The following CDON variants were observed in gnomAD, a reference collection of about 807,000 sequenced individuals.
CDON encodes cell adhesion molecule-related/down-regulated by oncogenes.
A neutral mutation model predicts 120.9 loss-of-function variants in CDON; 73 were observed. The ratio of observed to expected loss-of-function variants is 0.60; its 90% CI spans 0.50 to 0.73. The LOEUF is 0.73. CDON is among the 30% of genes least tolerant of loss of function. The probability of loss-of-function intolerance (pLI) is 0.00; values close to 1 mark genes in which losing one functional copy is unlikely to be tolerated. For missense variants in CDON, 1,470 were observed against 1,587.3 expected, an observed-to-expected ratio of 0.93 and a Z score of 1.26; for synonymous variants, 566 against 573.5, an observed-to-expected ratio of 0.99 and a Z score of 0.19.
intron 18 of CDON, among the ~76,000 whole-genome samples, chr11:125,963,069 A>C (rs953255938): frequency 4.6e-5 from 7 of 151,952 alleles, no homozygotes; most frequent in African/African-American, 1.7e-4. Context: ...CATCACACTC[A>C]GTTCTCTGAT....
At chr11:125,967,879 T>C (rs1400155220) in intron 18 of CDON, among the ~76,000 whole-genome samples, 1 of 152,146 alleles carries the variant, frequency 6.6e-6, no homozygotes, top group Admixed American at 6.5e-5. Flanking sequence ...CTACCATTCC[T>C]GAAAAATTTT....
intron 1 of CDON, among the ~76,000 whole-genome samples, chr11:126,047,078 A>C (rs1948423682): frequency 6.6e-6 from 1 of 152,222 alleles, no homozygotes; most frequent in African/African-American, 2.4e-5. Flanking sequence ...CAGTAAAGTT[A>C]GCAAAGAATT....
chr11:125,996,143 C>G (rs1258262294), intron 12 of CDON, among the ~76,000 whole-genome samples: 1 of 146,486 alleles, frequency 6.8e-6, no homozygotes, highest in Non-Finnish European at 1.5e-5. Flanking sequence ...CAATTTTCCT[C>G]TTATTCAGTC....
intron 18 of CDON, among the ~76,000 whole-genome samples, chr11:125,971,581 T>C (rs1050938422): frequency 4.6e-5 from 7 of 152,190 alleles, no homozygotes; most frequent in Non-Finnish European, 8.8e-5. Context: ...ATCTCTGTTC[T>C]CTAAAGCACC....
intron 11 of CDON, 142 bp from the exon 12 acceptor site, chr11:125,997,552 C>A: frequency 1.4e-6 from 1 of 699,790 alleles, no homozygotes; most frequent in African/African-American, 1.8e-5. Flanking sequence ...ACATTTACAG[C>A]AGTCTTCCTG....
intron 2 of CDON, 115 bp downstream of exon 2, chr11:126,023,286 C>T: frequency 2.4e-6 from 2 of 820,256 alleles, no homozygotes; most frequent in South Asian, 2.7e-5. Context: ...TCAAACCAAT[C>T]TTAGAAACAT....
chr11:125,982,852 T>C (rs931918513), intron 16 of CDON, among the ~76,000 whole-genome samples: 1 of 152,060 alleles, frequency 6.6e-6, no homozygotes, highest in Non-Finnish European at 1.5e-5. Flanking sequence ...TCACCATCCC[T>C]TTCAGATTAA....
chr11:125,961,801 G>A lies in CDON; in HGVS notation c.3554C>T (p.Thr1185Ile). The change falls in exon 19 of 20, where the codon ACT (threonine) becomes ATT (isoleucine). Residue 1185 changes from threonine (T) to isoleucine (I), a missense_variant. Thr to Ile is a moderately conservative substitution (Grantham distance 89, BLOSUM62 -1). Coordinates refer to ENST00000531738, the MANE Select transcript of CDON (RefSeq NM_001378964.1). ...SVKDNVEPVP[T>I]QRTCCQDIVN... ...AATGTCCTGACAGCAGGTACGCTGAGTAGGGACTGGTTCCACATTGTCCTT... is the reference window on the plus strand; with the variant it reads ...AATGTCCTGACAGCAGGTACGCTGAATAGGGACTGGTTCCACATTGTCCTT... The A allele has an allele frequency of 6.2e-7, 1 of 1,614,204 alleles. No homozygotes were observed. Among genetic ancestry groups the A allele is most frequent in the South Asian group, 1.1e-5 (1 of 91,086 alleles).
intron 1 of CDON, among the ~76,000 whole-genome samples, chr11:126,058,640 C>T (rs771973606): frequency 2.9e-4 from 44 of 152,228 alleles, no homozygotes; most frequent in Admixed American, 5.2e-4. Flanking sequence ...CTACTGCATT[C>T]TGCATTAGCT....
chr11:125,993,391 G>A (rs1038394962), intron 14 of CDON, among the ~76,000 whole-genome samples: 13 of 65,748 alleles, frequency 2.0e-4, no homozygotes, highest in Admixed American at 6.2e-4. Context: ...ATGCGCGCGT[G>A]CGTGCACACA....
At chr11:125,991,522 T>C (rs1946629929) in intron 14 of CDON, among the ~76,000 whole-genome samples, 1 of 152,210 alleles carries the variant, frequency 6.6e-6, no homozygotes, top group South Asian at 2.1e-4. Flanking sequence ...TTATAGTTTA[T>C]CTAAATGTGG....
intron 15 of CDON, among the ~76,000 whole-genome samples, chr11:125,987,566 T>C (rs1321190089): frequency 2.6e-5 from 4 of 152,240 alleles, no homozygotes; most frequent in African/African-American, 9.6e-5. Flanking sequence ...TGTTTTCCAC[T>C]GACCTGAAAG....
chr11:125,997,222 G>A lies in CDON; in HGVS notation c.2347C>T (p.Arg783Cys), dbSNP rs756707042. The change falls in exon 12 of 20, where the codon CGT (arginine) becomes TGT (cysteine). Residue 783 changes from arginine (R) to cysteine (C), a missense_variant. Transcript: ENST00000531738. ...IPPSKLSVEV[R>C]SLEPGSTYKF... ...ATATTACTACCTGGTTCTAAACTAC[G>A]AACTTCCACTGAAAGTTTGGAAGGA... 2.8e-5 allele frequency: 45 copies of A among 1,611,960 alleles called. No individual in the cohort carries two copies. The highest frequency in any genetic ancestry group is 3.5e-5 in the Non-Finnish European group (41 of 1,178,156).
Position 125,961,871 on chromosome 11 carries a change from T to G in CDON, c.3484A>C (p.Thr1162Pro). The change falls in exon 19 of 20, where the codon ACT becomes CCT. Residue 1162 changes from threonine to proline, a missense_variant. Thr to Pro is a conservative substitution (Grantham distance 38). Coordinates refer to ENST00000531738, the MANE Select transcript of CDON (RefSeq NM_001378964.1). ...LSHVKVPVCL[T>P]SAVPDCGQLP... Reference sequence around the variant, plus strand: ...TGGCCACAATCAGGGACTGCGGAAGTCAGGCATACAGGCACCTTCACGTGA... The same window carrying G: ...TGGCCACAATCAGGGACTGCGGAAGGCAGGCATACAGGCACCTTCACGTGA... 1 of 1,614,186 alleles carries G rather than the reference T, an allele frequency of 6.2e-7. No individual in the cohort carries two copies. The highest frequency in any genetic ancestry group is 8.5e-7 in the Non-Finnish European group (1 of 1,180,034).
intron 1 of CDON, among the ~76,000 whole-genome samples, chr11:126,033,557 TCAAA>T (rs1948008486): frequency 6.6e-6 from 1 of 151,072 alleles, no homozygotes; most frequent in South Asian, 2.1e-4. Context: ...AGGGATGGAG[TCAAA>T]CAGTCAGACT....
In CDON at chr11:126,010,284, A is replaced by G. The variant is rs990323061; in HGVS notation, c.1552+57T>C. The stretch of plus-strand genomic sequence containing the variant: ...AAAATAACATATTTCAAATCACTTT[A>G]TCTTCTATTATAAAAGGAAATTACT... On this transcript the variant is annotated intron_variant, in intron 8 of 19. Transcript: ENST00000531738. The G allele has an allele frequency of 7.7e-6, 9 of 1,162,178 alleles. No homozygotes were observed. The East Asian group carries it at 2.3e-4, about 30-fold the overall frequency. 72.0% of individuals were successfully genotyped at this position (1,162,178 alleles called of 1,614,324 possible). A position where few individuals can be genotyped will look rare whatever the true frequency, so the allele number is the denominator to read the frequency against.
chr11:125,970,732 G>C (rs1389758825), intron 18 of CDON, among the ~76,000 whole-genome samples: 1 of 152,120 alleles, frequency 6.6e-6, no homozygotes, highest in Non-Finnish European at 1.5e-5. Flanking sequence ...AGTAAATGTT[G>C]AGTGACAACA....
At chr11:126,008,760 A>T (rs1947203298) in intron 8 of CDON, among the ~76,000 whole-genome samples, 1 of 152,214 alleles carries the variant, frequency 6.6e-6, no homozygotes, top group Admixed American at 6.5e-5. Context: ...AGAAATATAA[A>T]CACACACGCA....
intron 8 of CDON, among the ~76,000 whole-genome samples, chr11:126,009,580 C>T (rs1490420554): frequency 2.0e-5 from 3 of 152,322 alleles, no homozygotes; most frequent in East Asian, 3.9e-4. Context: ...AAGAGAGCCA[C>T]GCTAAGCCCC....
Sources: allele counts gnomAD v4.1 joint callset (sites outside exome capture counted in the v4.1 genomes callset), GRCh38; gene constraint gnomAD v4.1.1; transcripts MANE v1.5; gene names NCBI Gene and HGNC (gene_info 2026-07-23, HGNC 2026-07-21).